Variants in KCNG2 observed in about 807,000 individuals in gnomAD.
KCNG2 encodes the protein potassium voltage-gated channel modifier subfamily G member 2.
In KCNG2, 7 loss-of-function variants were observed where a neutral mutation model predicts 12.3. That is an observed-to-expected ratio of 0.57 (90% CI 0.32 to 1.07). The LOEUF (loss-of-function observed/expected upper bound fraction) is 1.07. Ranked by LOEUF, KCNG2 falls within the 50% of genes least tolerant of loss-of-function variation. KCNG2 has a pLI of 0.04. For missense variants in KCNG2, 703 were observed against 726.0 expected, an observed-to-expected ratio of 0.97 and a Z score of 0.36; for synonymous variants, 414 against 351.4, an observed-to-expected ratio of 1.18 and a Z score of -1.99.
intron 3 of KCNG2, among the ~76,000 whole-genome samples, chr18:79,880,399 TTCAC>T (rs1381961015): frequency 1.3e-5 from 2 of 151,012 alleles, no homozygotes; most frequent in South Asian, 2.1e-4. Context: ...GTCACCAAAA[TTCAC>T]TCAAGAAGAA....
chr18:79,889,562 G>C (rs1249772607), intron 3 of KCNG2, among the ~76,000 whole-genome samples: 2 of 152,244 alleles, frequency 1.3e-5, no homozygotes. Flanking sequence ...CGAGTGTATA[G>C]AGATAAAATG....
At position 79,884,209 on chromosome 18, in the gene KCNG2, C is replaced by T. The variant is rs1483792503; in HGVS notation, c.625-14831C>T. Reference sequence around the variant, plus strand: ...ACAGAAGCTGCAGGGGCTCCGTCCCCATGCCCCTCCCCATGCCCCATGTCC... The same window carrying T: ...ACAGAAGCTGCAGGGGCTCCGTCCCTATGCCCCTCCCCATGCCCCATGTCC... On this transcript the variant is annotated intron_variant, in intron 3 of 3. Transcript: ENST00000316249. This position sits in a 1 kb window ranked among gnomAD's most constrained non-coding sequence, Gnocchi z 5.5. Among the ~76,000 whole-genome samples the T allele has an allele frequency of 6.6e-6, 1 of 152,206 alleles. No homozygotes were observed. Among genetic ancestry groups the T allele is most frequent in the African/African-American group, 2.4e-5 (1 of 41,540 alleles).
chr18:79,824,380 A>G (rs2087596321), intron 1 of KCNG2, among the ~76,000 whole-genome samples: 1 of 152,150 alleles, frequency 6.6e-6, no homozygotes, highest in Admixed American at 6.5e-5. Flanking sequence ...TACTTTTCTG[A>G]ATTTTTTTAT....
intron 1 of KCNG2, among the ~76,000 whole-genome samples, chr18:79,799,829 A>G (rs1397909572): frequency 6.6e-6 from 1 of 151,790 alleles, no homozygotes; most frequent in Non-Finnish European, 1.5e-5. Flanking sequence ...TGGCCGAGCT[A>G]TGATTCGGGG....
chr18:79,805,630 T>C (rs1467455116), intron 1 of KCNG2, among the ~76,000 whole-genome samples: 7 of 152,306 alleles, frequency 4.6e-5, no homozygotes, highest in East Asian at 3.9e-4. Context: ...CGGGTCTTCA[T>C]TGTGGTCCTG....
At chr18:79,893,664 G>A (rs559982490) in intron 3 of KCNG2, among the ~76,000 whole-genome samples, 5 of 150,136 alleles carry the variant, frequency 3.3e-5, no homozygotes, top group African/African-American at 9.8e-5. Flanking sequence ...CTAATGGTTC[G>A]ATTGATATAG....
chr18:79,875,373 CCGAG>C (rs934602489), intron 3 of KCNG2, among the ~76,000 whole-genome samples: 33 of 152,168 alleles, frequency 2.2e-4, no homozygotes, highest in African/African-American at 8.0e-4. Flanking sequence ...TCTAGCACCA[CCGAG>C]CACACATTTC....
intron 3 of KCNG2, among the ~76,000 whole-genome samples, chr18:79,875,569 G>C (rs924460703): frequency 3.9e-5 from 6 of 152,206 alleles, no homozygotes; most frequent in African/African-American, 1.4e-4. Flanking sequence ...CTGACAATGG[G>C]GAAGAAAGAG....
At chr18:79,873,141 G>A (rs1313261185) in intron 3 of KCNG2, among the ~76,000 whole-genome samples, 1 of 152,174 alleles carries the variant, frequency 6.6e-6, no homozygotes, top group African/African-American at 2.4e-5. Context: ...ACTCGGGCAG[G>A]AAAACAGGAA....
At chr18:79,828,780 C>T (rs1437863436) in intron 1 of KCNG2, among the ~76,000 whole-genome samples, 4 of 114,776 alleles carry the variant, frequency 3.5e-5, no homozygotes, top group African/African-American at 1.0e-4. Context: ...TGTAACGTGT[C>T]TGTGTGTGCA....
chr18:79,859,556 T>A (rs62096746), intron 2 of KCNG2, among the ~76,000 whole-genome samples: 16,111 of 152,140 alleles, frequency 0.11, 996 homozygotes, highest in Middle Eastern at 0.17. Context: ...TGAAGACACC[T>A]CCCAGCCATG....
intron 3 of KCNG2, among the ~76,000 whole-genome samples, chr18:79,882,836 C>CGCCTGCGCGTGG (rs1980362216): frequency 2.0e-5 from 3 of 151,676 alleles, no homozygotes; most frequent in Non-Finnish European, 4.4e-5. Flanking sequence ...AGGCCGGGTA[C>CGCCTGCGCGTGG]ACCTGCGCGT....
intron 1 of KCNG2, among the ~76,000 whole-genome samples, chr18:79,807,252 C>T (rs2087456445): frequency 6.6e-6 from 1 of 152,166 alleles, no homozygotes; most frequent in Non-Finnish European, 1.5e-5. Context: ...GATGTTTTTG[C>T]ATGAAAGTGA....
At position 79,822,812 on chromosome 18, in the gene KCNG2, A is replaced by G. The variant is rs887724811; in HGVS notation, c.-115+24798A>G. On this transcript the variant is annotated intron_variant, in intron 1 of 3. Transcript: ENST00000316249. The surrounding 1 kb of genome is among the most constrained non-coding windows in gnomAD (Gnocchi z 4.4). ...AGTCTTTAGCCTCCGGATTTCATGG[A>G]AACACATTTTCCACAATTACCTGGG... 1.3e-5 allele frequency among the ~76,000 whole-genome samples: 2 copies of G among 152,026 alleles called. No individual in the cohort carries two copies. Among genetic ancestry groups the G allele is most frequent in the Non-Finnish European group, 2.9e-5 (2 of 68,004 alleles).
At chr18:79,802,591 G>T (rs1056734300) in intron 1 of KCNG2, among the ~76,000 whole-genome samples, 1 of 152,240 alleles carries the variant, frequency 6.6e-6, no homozygotes, top group Non-Finnish European at 1.5e-5. Context: ...TCCAGCTCAG[G>T]TTCACACCCC....
chr18:79,888,335 C>T (rs961510640), intron 3 of KCNG2, among the ~76,000 whole-genome samples: 2 of 151,530 alleles, frequency 1.3e-5, no homozygotes, highest in Non-Finnish European at 1.5e-5. Context: ...GGGGCTGGGT[C>T]GGCCCTGAGG....
chr18:79,840,162 G>A (rs1243915096), intron 1 of KCNG2, among the ~76,000 whole-genome samples: 1 of 152,078 alleles, frequency 6.6e-6, no homozygotes, highest in Non-Finnish European at 1.5e-5. Flanking sequence ...AAGTTATAAA[G>A]GAAGAAATAA....
At chr18:79,856,983 TCCAGCCCTTCTGCTGGG>T (rs1979031372) in intron 2 of KCNG2, among the ~76,000 whole-genome samples, 1 of 101,076 alleles carries the variant, frequency 9.9e-6, no homozygotes, top group Non-Finnish European at 2.0e-5. Flanking sequence ...GATGCCCTGC[TCCAGCCCTTCTGCTGGG>T]CCAGCCCTCC....
intron 1 of KCNG2, among the ~76,000 whole-genome samples, chr18:79,815,620 C>T (rs1246415491): frequency 6.6e-6 from 1 of 152,226 alleles, no homozygotes; most frequent in East Asian, 1.9e-4. Context: ...CTGCGCCCAG[C>T]TGTCCCTGCC....
Sources: allele counts gnomAD v4.1 joint callset (sites outside exome capture counted in the v4.1 genomes callset), GRCh38; gene constraint gnomAD v4.1.1; non-coding constraint Gnocchi (gnomAD v3.1); transcripts MANE v1.5; gene names NCBI Gene and HGNC (gene_info 2026-07-23, HGNC 2026-07-21).